Variants in ENTREP2 observed in about 807,000 individuals in gnomAD.
The protein encoded by ENTREP2 is endosomal transmembrane epsin interactor 2.
the ENTREP2 span, among the ~76,000 whole-genome samples, chr15:29,515,651 T>C: frequency 6.6e-6 from 1 of 152,244 alleles, no homozygotes. Context: ...CAGCGAGTCC[T>C]GTGTTGGAGT....
At chr15:29,504,096 G>A in the ENTREP2 span, among the ~76,000 whole-genome samples, 1 of 152,138 alleles carries the variant, frequency 6.6e-6, no homozygotes, top group Admixed American at 6.5e-5. Context: ...AGTACAGATT[G>A]ATTTAAACAA....
the ENTREP2 span, chr15:29,126,195 G>T: frequency 1.6e-6 from 2 of 1,226,330 alleles, no homozygotes; most frequent in South Asian, 1.6e-5. Context: ...ACTCTCAGGG[G>T]TCACTGAGAC....
chr15:29,612,522 T>C, the ENTREP2 span: 3 of 152,424 alleles, frequency 2.0e-5, no homozygotes, highest in Admixed American at 1.3e-4. Context: ...AGACATATGT[T>C]CTTGCTCCAT....
At chr15:29,123,254 AG>A in the ENTREP2 span, 1 of 1,362,376 alleles carries the variant, frequency 7.3e-7, no homozygotes, top group Non-Finnish European at 9.8e-7. Context: ...CTGGGCCTGA[AG>A]GCCTCTTTGT....
the ENTREP2 span, among the ~76,000 whole-genome samples, chr15:29,627,442 C>A: frequency 6.6e-6 from 1 of 151,084 alleles, no homozygotes; most frequent in Non-Finnish European, 1.5e-5. Context: ...ACTCGGGAGG[C>A]TGAGGCAGGA....
chr15:29,239,320 C>T, the ENTREP2 span, among the ~76,000 whole-genome samples: 25 of 152,296 alleles, frequency 1.6e-4, no homozygotes, highest in Admixed American at 8.5e-4. Flanking sequence ...AAAAGGGCGA[C>T]ATTCTGGCCT....
chr15:29,259,760 T>C, the ENTREP2 span, among the ~76,000 whole-genome samples: 1 of 151,700 alleles, frequency 6.6e-6, no homozygotes, highest in Non-Finnish European at 1.5e-5. Flanking sequence ...GCAGATCACT[T>C]GAGCCCAGGA....
chr15:29,605,777 C>G, the ENTREP2 span, among the ~76,000 whole-genome samples: 1 of 152,016 alleles, frequency 6.6e-6, no homozygotes, highest in African/African-American at 2.4e-5. Flanking sequence ...GCAGAGGTTG[C>G]AGTGAGCCGA....
At chr15:29,134,157 T>C in the ENTREP2 span, among the ~76,000 whole-genome samples, 1 of 152,142 alleles carries the variant, frequency 6.6e-6, no homozygotes, top group Admixed American at 6.5e-5. Flanking sequence ...ACTGATAACA[T>C]TGATTTGAAT....
chr15:29,190,517 G>T, the ENTREP2 span, among the ~76,000 whole-genome samples: 1 of 152,130 alleles, frequency 6.6e-6, no homozygotes, highest in African/African-American at 2.4e-5. Flanking sequence ...TTCCTCCTCG[G>T]CCATGAAGAA....
At chr15:29,223,746 G>A in the ENTREP2 span, among the ~76,000 whole-genome samples, 1 of 151,766 alleles carries the variant, frequency 6.6e-6, no homozygotes, top group African/African-American at 2.4e-5. Flanking sequence ...AGCCAGAGAG[G>A]CTGGTTCTGG....
At chr15:29,674,704 C>CGG in the ENTREP2 span, among the ~76,000 whole-genome samples, 1 of 111,594 alleles carries the variant, frequency 9.0e-6, no homozygotes, top group African/African-American at 3.2e-5. Flanking sequence ...GGAGGCATGC[C>CGG]GGGGGGGCGG....
the ENTREP2 span, among the ~76,000 whole-genome samples, chr15:29,633,225 C>A: frequency 6.6e-6 from 1 of 152,108 alleles, no homozygotes; most frequent in African/African-American, 2.4e-5. Flanking sequence ...GGCAGGATGA[C>A]AACATGTGTC....
the ENTREP2 span, among the ~76,000 whole-genome samples, chr15:29,489,505 T>C: frequency 1.7e-5 from 2 of 117,788 alleles, no homozygotes; most frequent in Non-Finnish European, 1.7e-5. Context: ...TGATTCTGTA[T>C]GTGCGTATTT....
the ENTREP2 span, among the ~76,000 whole-genome samples, chr15:29,651,981 C>T: frequency 6.6e-6 from 1 of 152,172 alleles, no homozygotes; most frequent in African/African-American, 2.4e-5. Context: ...GCCGCCAGTC[C>T]TGTGGATTGG....
At chr15:29,562,529 A>G in the ENTREP2 span, among the ~76,000 whole-genome samples, 31 of 152,332 alleles carry the variant, frequency 2.0e-4, no homozygotes, top group African/African-American at 6.0e-4. Flanking sequence ...CATGTTTACA[A>G]TTCGGGAATT....
the ENTREP2 span, among the ~76,000 whole-genome samples, chr15:29,398,552 T>C: frequency 1.3e-5 from 2 of 151,946 alleles, no homozygotes; most frequent in African/African-American, 4.8e-5. Flanking sequence ...GGTAAAATCC[T>C]GTCTCTACTA....
chr15:29,274,478 A>G, the ENTREP2 span, among the ~76,000 whole-genome samples: 2 of 152,150 alleles, frequency 1.3e-5, no homozygotes, highest in Admixed American at 6.5e-5. Flanking sequence ...CAGATGAACT[A>G]ACATTAGAAA....
At chr15:29,322,362 TCTC>T in the ENTREP2 span, among the ~76,000 whole-genome samples, 1 of 152,188 alleles carries the variant, frequency 6.6e-6, no homozygotes, top group African/African-American at 2.4e-5. Flanking sequence ...GTGCAGTAGA[TCTC>T]CTGAACTTAT....
Sources: allele counts gnomAD v4.1 joint callset (sites outside exome capture counted in the v4.1 genomes callset), GRCh38; gene constraint gnomAD v4.1.1; transcripts MANE v1.5; gene names NCBI Gene and HGNC (gene_info 2026-07-23, HGNC 2026-07-21).